EML1: variants seen among roughly 807,000 people sequenced by gnomAD.
EML1 encodes echinoderm microtubule-associated protein-like 1.
Under a neutral mutation model 110.4 loss-of-function variants are expected in EML1, and 27 were observed. The observed-to-expected ratio is 0.24, with a 90% CI of 0.18 to 0.34. The LOEUF is 0.34. Ranked by LOEUF, EML1 falls within the 10% of genes least tolerant of loss-of-function variation. The pLI, the probability that EML1 is intolerant of heterozygous loss-of-function variation, is 1.00. For missense variants in EML1, 741 were observed against 1,030.9 expected (o/e 0.72, Z 3.85); for synonymous variants, 344 against 385.8 (o/e 0.89, Z 1.27).
chr14:99,923,181 A>T (rs1056955647), intron 17 of EML1, among the ~76,000 whole-genome samples: 2 of 152,132 alleles, frequency 1.3e-5, no homozygotes, highest in African/African-American at 4.8e-5. Flanking sequence ...GGCCCAAGTG[A>T]TCTGCCTGCC....
chr14:99,822,575 T>C (rs2058282550), intron 1 of EML1, among the ~76,000 whole-genome samples: 1 of 152,208 alleles, frequency 6.6e-6, no homozygotes. Flanking sequence ...GATTTATCTT[T>C]TTCATATTCA....
intron 8 of EML1, 45 bp from the exon 9 acceptor site, chr14:99,900,883 TG>T (rs754339403): frequency 6.7e-7 from 1 of 1,500,828 alleles, no homozygotes; most frequent in Admixed American, 1.7e-5. Flanking sequence ...AAGACACATG[TG>T]TATCACCATC....
intron 1 of EML1, among the ~76,000 whole-genome samples, chr14:99,780,329 C>T (rs1444070721): frequency 6.6e-6 from 1 of 152,072 alleles, no homozygotes; most frequent in Non-Finnish European, 1.5e-5. Context: ...GTGACAGGTA[C>T]CTGGTCCTGC....
chr14:99,740,407 G>A (rs979101037), intron 1 of EML1, among the ~76,000 whole-genome samples: 3 of 152,204 alleles, frequency 2.0e-5, no homozygotes, highest in Non-Finnish European at 4.4e-5. Context: ...ACCTGAAGAA[G>A]CAGCTCTCAT....
chr14:99,930,946 C>A (rs2060356036), intron 17 of EML1, among the ~76,000 whole-genome samples: 1 of 152,130 alleles, frequency 6.6e-6, no homozygotes, highest in Admixed American at 6.5e-5. Context: ...TTATCCATGT[C>A]ATTGTTTGAA....
chr14:99,754,821 G>A (rs1297176185), intron 1 of EML1, among the ~76,000 whole-genome samples: 1 of 152,192 alleles, frequency 6.6e-6, no homozygotes, highest in African/African-American at 2.4e-5. Context: ...AACTTCTCCA[G>A]GTCATGCCTG....
At chr14:99,928,549 A>G (rs2060309619) in intron 17 of EML1, among the ~76,000 whole-genome samples, 1 of 152,124 alleles carries the variant, frequency 6.6e-6, no homozygotes, top group African/African-American at 2.4e-5. Context: ...TTTTCATTAT[A>G]TGATTATGTT....
At chr14:99,812,220 G>T (rs1319233394) in intron 1 of EML1, among the ~76,000 whole-genome samples, 1 of 151,750 alleles carries the variant, frequency 6.6e-6, no homozygotes, top group South Asian at 2.1e-4. Flanking sequence ...GTAATTCAGG[G>T]GGTTAGGGTT....
chr14:99,850,985 A>G lies in EML1; in HGVS notation c.200A>G (p.Asn67Ser). 2 of 1,614,184 alleles carry G rather than the reference A, an allele frequency of 1.2e-6. No individual in the cohort carries two copies. The highest frequency in any genetic ancestry group is 1.7e-4 in the Middle Eastern group (1 of 6,058). ...SALADVVRRL[N>S]ITEEQQAVLN... ...CTAGCTGATGTGGTTCGGCGGCTGA[A>G]CATTACTGAGGAACAGCAGGCCGTG... The change falls in exon 2 of 22, where the codon AAC (asparagine) becomes AGC (serine). Residue 67 changes from asparagine to serine, a missense_variant. Coordinates refer to ENST00000262233, the MANE Select transcript of EML1 (RefSeq NM_004434.3).
chr14:99,766,049 T>C (rs922925950), intron 1 of EML1, among the ~76,000 whole-genome samples: 4 of 152,196 alleles, frequency 2.6e-5, no homozygotes, highest in African/African-American at 9.6e-5. Flanking sequence ...CAATGAACAC[T>C]TAGGCTGTTT....
At chr14:99,917,918 C>A (rs2060061412) in intron 16 of EML1, 69 bp downstream of exon 16, 2 of 1,500,252 alleles carry the variant, frequency 1.3e-6, no homozygotes, top group Non-Finnish European at 1.9e-6. Context: ...TTCTATTTCC[C>A]CAGGAACAGG....
In EML1 at chr14:99,939,063, C is replaced by A. The variant is rs1013989003; in HGVS notation, c.2192-134C>A. 1.4e-6 allele frequency: 2 copies of A among 1,405,662 alleles called. No homozygotes were observed. The highest frequency in any genetic ancestry group is 1.4e-5 in the African/African-American group (1 of 69,366). 87.1% of individuals were successfully genotyped at this position (1,405,662 alleles called of 1,614,324 possible). On this transcript the variant is annotated intron_variant, in intron 20 of 21. Transcript: ENST00000262233. The surrounding 1 kb of genome is among the most constrained non-coding windows in gnomAD (Gnocchi z 4.2). Reference sequence around the variant, plus strand: ...GAGGCCAGGAACTGAGGCTATTGTGCTTTTTTGACCCTTGTTTCTAAAGCT... The same window carrying A: ...GAGGCCAGGAACTGAGGCTATTGTGATTTTTTGACCCTTGTTTCTAAAGCT...
At chr14:99,851,112 C>A in intron 2 of EML1, 77 bp downstream of exon 2, 2 of 1,456,900 alleles carry the variant, frequency 1.4e-6, no homozygotes, top group Non-Finnish European at 1.9e-6. Context: ...ACACATTGTG[C>A]TCTTTAATAT....
intron 4 of EML1, 49 bp downstream of exon 4, chr14:99,878,668 G>A (rs766612406): frequency 1.5e-5 from 23 of 1,571,110 alleles, no homozygotes; most frequent in East Asian, 2.3e-5. Flanking sequence ...ATGTTAGTAC[G>A]GCTTGTCCCC....
Position 99,936,398 on chromosome 14 carries a change from G to A in EML1, c.2095+64G>A. 2 of 1,502,932 alleles carry A rather than the reference G, an allele frequency of 1.3e-6. No homozygotes were observed. Among genetic ancestry groups the A allele is most frequent in the Non-Finnish European group, 1.8e-6 (2 of 1,088,116 alleles). 93.1% of individuals were successfully genotyped at this position (1,502,932 alleles called of 1,614,324 possible). A position where few individuals can be genotyped will look rare whatever the true frequency, so the allele number is the denominator to read the frequency against. ...AGAAAGCGTTCACTCTGAGATCCAG[G>A]GGGCCTCTGTGAGAACCCACCTCCT... On this transcript the variant is annotated intron_variant, in intron 19 of 21. Transcript: ENST00000262233. The surrounding 1 kb of genome is among the most constrained non-coding windows in gnomAD (Gnocchi z 5.5).
At chr14:99,900,856 C>A in intron 8 of EML1, 73 bp from the exon 9 acceptor site, 2 of 1,315,726 alleles carry the variant, frequency 1.5e-6, no homozygotes, top group Non-Finnish European at 1.1e-6. Flanking sequence ...CCCAAGTAAT[C>A]TTGTAGCTTC....
chr14:99,938,270 T>G (rs1253885871), intron 20 of EML1, among the ~76,000 whole-genome samples: 5 of 152,258 alleles, frequency 3.3e-5, no homozygotes, highest in Non-Finnish European at 5.9e-5. Context: ...ATATATTTTT[T>G]GTTCTTAAAC....
chr14:99,755,226 A>G (rs1566850401), intron 1 of EML1, among the ~76,000 whole-genome samples: 2 of 152,216 alleles, frequency 1.3e-5, no homozygotes, highest in East Asian at 3.9e-4. Flanking sequence ...AGCCGGTGAC[A>G]GGAGCTGAAG....
intron 1 of EML1, among the ~76,000 whole-genome samples, chr14:99,748,225 C>T (rs898979245): frequency 6.6e-5 from 10 of 152,124 alleles, no homozygotes; most frequent in African/African-American, 2.4e-5. Flanking sequence ...CCCAGGACAG[C>T]CCCTGCCCGC....
Sources: allele counts gnomAD v4.1 joint callset (sites outside exome capture counted in the v4.1 genomes callset), GRCh38; gene constraint gnomAD v4.1.1; non-coding constraint Gnocchi (gnomAD v3.1); transcripts MANE v1.5; gene names NCBI Gene and HGNC (gene_info 2026-07-23, HGNC 2026-07-21).